The following PRICKLE2 variants were observed in gnomAD, a reference collection of about 807,000 sequenced individuals.
PRICKLE2 encodes prickle planar cell polarity protein 2.
In PRICKLE2, 21 loss-of-function variants were observed where a neutral mutation model predicts 81.4. The ratio of observed to expected loss-of-function variants is 0.26; its 90% CI spans 0.18 to 0.37. The LOEUF (loss-of-function observed/expected upper bound fraction) is 0.37, where lower values mean the gene tolerates loss of function less well. PRICKLE2 is among the 10% of genes least tolerant of loss of function. PRICKLE2 has a pLI of 1.00. For missense variants in PRICKLE2, 940 were observed against 1,109.0 expected, an observed-to-expected ratio of 0.85 and a Z score of 2.16; for synonymous variants, 456 against 421.5, an observed-to-expected ratio of 1.08 and a Z score of -1.00.
intron 2 of PRICKLE2, chr3:64,163,771 T>C (rs75340895): frequency 6.5e-6 from 1 of 154,966 alleles, no homozygotes; most frequent in East Asian, 1.9e-4. Flanking sequence ...GGACATATTC[T>C]TGTACTTTAT....
intron 6 of PRICKLE2, among the ~76,000 whole-genome samples, chr3:64,152,473 G>T (rs556180709): frequency 6.6e-6 from 1 of 152,156 alleles, no homozygotes; most frequent in Non-Finnish European, 1.5e-5. Context: ...TCTCAGATCT[G>T]CCACTTATTG....
At chr3:64,245,424 T>G (rs2079333057) in intron 2 of PRICKLE2, among the ~76,000 whole-genome samples, 1 of 152,144 alleles carries the variant, frequency 6.6e-6, no homozygotes, top group Non-Finnish European at 1.5e-5. Flanking sequence ...TCTTTCCACT[T>G]TTAGACAGAG....
chr3:64,131,499 T>C (rs1237102409), intron 7 of PRICKLE2, among the ~76,000 whole-genome samples: 2 of 152,234 alleles, frequency 1.3e-5, no homozygotes, highest in Non-Finnish European at 2.9e-5. Context: ...GTGAATCAAC[T>C]TCTGTTTAGC....
intron 5 of PRICKLE2, among the ~76,000 whole-genome samples, chr3:64,156,289 G>C (rs576043729): frequency 1.6e-4 from 25 of 152,176 alleles, no homozygotes; most frequent in Non-Finnish European, 2.6e-4. Context: ...GTCCCTCGTA[G>C]GTAGTTTGTA....
chr3:64,222,289 T>A (rs2078967923), intron 1 of PRICKLE2, among the ~76,000 whole-genome samples: 1 of 152,166 alleles, frequency 6.6e-6, no homozygotes, highest in Non-Finnish European at 1.5e-5. Flanking sequence ...TTATTCTCCG[T>A]GCAAAACACA....
chr3:64,122,623 C>T (rs1346622364), intron 7 of PRICKLE2, among the ~76,000 whole-genome samples: 1 of 152,158 alleles, frequency 6.6e-6, no homozygotes, highest in Non-Finnish European at 1.5e-5. Context: ...GAAAAACTGC[C>T]TGTTAGGTAA....
chr3:64,126,565 G>T (rs2077110120), intron 7 of PRICKLE2, among the ~76,000 whole-genome samples: 1 of 152,140 alleles, frequency 6.6e-6, no homozygotes, highest in African/African-American at 2.4e-5. Context: ...CCATGTGACT[G>T]TGGGCAGGTT....
intron 7 of PRICKLE2, among the ~76,000 whole-genome samples, chr3:64,103,840 C>T (rs1163977776): frequency 2.0e-5 from 3 of 152,028 alleles, no homozygotes; most frequent in East Asian, 3.9e-4. Context: ...ATTAGCTGGG[C>T]ATGGTGGTGC....
At chr3:64,179,038 T>C (rs1249462818) in intron 2 of PRICKLE2, among the ~76,000 whole-genome samples, 3 of 147,630 alleles carry the variant, frequency 2.0e-5, no homozygotes, top group Non-Finnish European at 4.5e-5. Context: ...TTTCTTTCTT[T>C]TCTTTCCTTC....
intron 7 of PRICKLE2, among the ~76,000 whole-genome samples, chr3:64,126,046 A>G (rs1227101609): frequency 2.0e-5 from 3 of 152,138 alleles, no homozygotes; most frequent in African/African-American, 7.2e-5. Flanking sequence ...GTAATCGTGG[A>G]CAATTTTAAT....
chr3:64,253,960 C>A (rs1221052486), intron 2 of PRICKLE2, among the ~76,000 whole-genome samples: 1 of 152,142 alleles, frequency 6.6e-6, no homozygotes, highest in East Asian at 1.9e-4. Flanking sequence ...TCAACAAAGT[C>A]TCCTCGTGAG....
intron 2 of PRICKLE2, among the ~76,000 whole-genome samples, chr3:64,265,130 A>G (rs1321303887): frequency 6.6e-6 from 1 of 152,192 alleles, no homozygotes; most frequent in East Asian, 1.9e-4. Context: ...ATATGAAAAA[A>G]CATCACCAAC....
At chr3:64,162,590 C>T (rs2077752768) in intron 3 of PRICKLE2, among the ~76,000 whole-genome samples, 1 of 152,178 alleles carries the variant, frequency 6.6e-6, no homozygotes, top group African/African-American at 2.4e-5. Flanking sequence ...AACTTGCACG[C>T]TCATTTAATA....
chr3:64,203,901 C>G (rs1046342084), intron 1 of PRICKLE2, among the ~76,000 whole-genome samples: 1 of 151,976 alleles, frequency 6.6e-6, no homozygotes, highest in African/African-American at 2.4e-5. Flanking sequence ...CCGCTTGAAC[C>G]CAGGAGGTGG....
chr3:64,129,677 T>C (rs1309610734), intron 7 of PRICKLE2, among the ~76,000 whole-genome samples: 1 of 152,140 alleles, frequency 6.6e-6, no homozygotes, highest in Non-Finnish European at 1.5e-5. Context: ...GCCTAGGAGT[T>C]TAATCTTACA....
At chr3:64,156,035 A>T (rs530328338) in intron 5 of PRICKLE2, among the ~76,000 whole-genome samples, 33 of 152,358 alleles carry the variant, frequency 2.2e-4, no homozygotes, top group African/African-American at 7.9e-4. Flanking sequence ...ATCTCAATAA[A>T]CAAATTTCAA....
chr3:64,155,697 G>A lies in PRICKLE2; in HGVS notation c.600+1465C>T, dbSNP rs540465106. Among the ~76,000 whole-genome samples the A allele has an allele frequency of 2.2e-4, 34 of 152,266 alleles. No individual in the cohort carries two copies. The South Asian group carries it at 6.0e-3, about 27-fold the overall frequency. On this transcript the variant is annotated intron_variant, in intron 5 of 7. Transcript: ENST00000638394. Reference sequence around the variant, plus strand: ...ATACAACTGAATATTATTCAGCCACGAGAAGGAATGAAGTACTTACATATA... The same window carrying A: ...ATACAACTGAATATTATTCAGCCACAAGAAGGAATGAAGTACTTACATATA...
intron 2 of PRICKLE2, among the ~76,000 whole-genome samples, chr3:64,259,109 T>C (rs999415639): frequency 8.5e-5 from 13 of 152,140 alleles, no homozygotes; most frequent in African/African-American, 3.1e-4. Context: ...CTTTGAGAGA[T>C]CTGGAACCCA....
In PRICKLE2 at chr3:64,147,894, T is replaced by C. The variant is rs966074418; in HGVS notation, c.788-192A>G. Among the ~76,000 whole-genome samples the C allele has an allele frequency of 6.6e-5, 10 of 152,196 alleles. No homozygotes were observed. The highest frequency in any genetic ancestry group is 1.3e-4 in the Non-Finnish European group (9 of 68,030). On this transcript the variant is annotated intron_variant, in intron 6 of 7. Coordinates refer to ENST00000638394, the MANE Select transcript of PRICKLE2 (RefSeq NM_198859.4). This position sits in a 1 kb window ranked among gnomAD's most constrained non-coding sequence, Gnocchi z 5.0. ...ACGAGAAGTCCTTGTTGTACCAGTA[T>C]GCGCCTTAACTCATTTGCTCCAAGC...
Sources: allele counts gnomAD v4.1 joint callset (sites outside exome capture counted in the v4.1 genomes callset), GRCh38; gene constraint gnomAD v4.1.1; non-coding constraint Gnocchi (gnomAD v3.1); transcripts MANE v1.5; gene names NCBI Gene and HGNC (gene_info 2026-07-23, HGNC 2026-07-21).